The following RUFY1 variants were observed in gnomAD, a reference collection of about 807,000 sequenced individuals.
RUFY1 encodes RUN and FYVE domain containing 1, also known as RUN and FYVE domain-containing protein 1.
In RUFY1, 54 loss-of-function variants were observed where a neutral mutation model predicts 94.6. The observed-to-expected ratio is 0.57, with a 90% CI of 0.46 to 0.72. The LOEUF is 0.72. Ranked by LOEUF, RUFY1 falls within the 30% of genes least tolerant of loss-of-function variation. RUFY1 has a pLI of 0.00. For missense variants in RUFY1, 883 were observed against 883.9 expected (o/e 1.00, Z 0.01); for synonymous variants, 396 against 347.3 (o/e 1.14, Z -1.56).
At chr5:179,589,243 T>C in intron 8 of RUFY1, 1 of 334,532 alleles carries the variant, frequency 3.0e-6, no homozygotes, top group East Asian at 7.0e-5. Flanking sequence ...TCAGGCTGTT[T>C]CTAATTTTTT....
rs563715183 is a variant in RUFY1, at chr5:179,609,547, C to G, written c.*28C>G. 1.9e-6 allele frequency: 3 copies of G among 1,571,428 alleles called. No individual in the cohort carries two copies. The highest frequency in any genetic ancestry group is 1.1e-5 in the South Asian group (1 of 87,684). ...GTCCGTCCTCAGGAGCACAGCCTCA[C>G]GGACAGTGCCAAACCCTGTGGGTCT... is the stretch of plus-strand genomic sequence containing the variant. On this transcript the variant is annotated 3_prime_UTR_variant, in exon 18 of 18. Transcript: ENST00000319449.
At chr5:179,573,230 G>A (rs774147164) in intron 5 of RUFY1, among the ~76,000 whole-genome samples, 16 of 152,000 alleles carry the variant, frequency 1.1e-4, no homozygotes, top group Non-Finnish European at 2.4e-4. Context: ...ATATTTCTGG[G>A]CCATCCATTC....
intron 1 of RUFY1, among the ~76,000 whole-genome samples, chr5:179,558,572 CAA>C (rs10664309): frequency 1.5e-5 from 2 of 137,108 alleles, no homozygotes; most frequent in Non-Finnish European, 1.6e-5. Flanking sequence ...AACAACATCT[CAA>C]AAAAAAAAAA....
chr5:179,562,228 A>G (rs992819638), intron 2 of RUFY1, among the ~76,000 whole-genome samples: 1 of 151,856 alleles, frequency 6.6e-6, no homozygotes, highest in Admixed American at 6.6e-5. Context: ...CCTGGCCAAC[A>G]TGGTGAAACC....
chr5:179,586,354 C>T (rs1250139855), intron 8 of RUFY1: 1 of 456,848 alleles, frequency 2.2e-6, no homozygotes, highest in Non-Finnish European at 4.4e-6. Flanking sequence ...AAGGACAGGA[C>T]AAAGGAGGGC....
chr5:179,570,267 A>T (rs4075891), intron 5 of RUFY1, among the ~76,000 whole-genome samples: 1 of 152,024 alleles, frequency 6.6e-6, no homozygotes, highest in Non-Finnish European at 1.5e-5. Context: ...TCATGCCTGG[A>T]TTTGAGAAAG....
At chr5:179,596,866 AG>A (rs1305667290) in intron 13 of RUFY1, 185 bp downstream of exon 13, 2 of 732,328 alleles carry the variant, frequency 2.7e-6, no homozygotes, top group Non-Finnish European at 4.1e-6. Context: ...CCCTCCCCAC[AG>A]GGCTCCTCAC....
chr5:179,566,961 T>C (rs11249647), intron 3 of RUFY1, among the ~76,000 whole-genome samples: 117,901 of 151,908 alleles, frequency 0.78, 45,879 homozygotes, highest in East Asian at 0.91. Context: ...GGCTGAGCCA[T>C]GAGAATCGCT....
intron 3 of RUFY1, among the ~76,000 whole-genome samples, chr5:179,563,323 C>A (rs371065968): frequency 6.6e-6 from 1 of 152,202 alleles, no homozygotes; most frequent in African/African-American, 2.4e-5. Context: ...AGGACCTGCT[C>A]AATGACAGGC....
Position 179,581,031 on chromosome 5 carries a change from T to TTC in RUFY1, c.956+19_956+20insTC, listed in dbSNP as rs1764114820. On this transcript the variant is annotated intron_variant, in intron 7 of 17. Coordinates refer to ENST00000319449, the MANE Select transcript of RUFY1 (RefSeq NM_025158.5). ...ACTTGAGGTAAGACTCCTTTTTTTT[T>TTC]CAATGTGACAGTTACATACTCGGTA... 1 of 1,525,248 alleles carries TTC rather than the reference T, an allele frequency of 6.6e-7. No homozygotes were observed. Among genetic ancestry groups the TTC allele is most frequent in the African/African-American group, 1.4e-5 (1 of 72,450 alleles). 94.5% of individuals were successfully genotyped at this position (1,525,248 alleles called of 1,614,324 possible).
At chr5:179,572,269 G>A (rs915240824) in intron 5 of RUFY1, 10 of 236,854 alleles carry the variant, frequency 4.2e-5, no homozygotes, top group Admixed American at 5.9e-5. Flanking sequence ...GAAGTACGTC[G>A]TCCTCTTTTT....
intron 2 of RUFY1, among the ~76,000 whole-genome samples, chr5:179,561,188 G>A (rs1354211105): frequency 3.3e-5 from 5 of 151,808 alleles, no homozygotes; most frequent in Non-Finnish European, 7.4e-5. Flanking sequence ...TCCAACCAAG[G>A]CTACAGGGTG....
Position 179,564,927 on chromosome 5 carries a change from T to C in RUFY1, c.602+2263T>C, listed in dbSNP as rs144554066. Among the ~76,000 whole-genome samples, 473 of 152,244 alleles carry C rather than the reference T, an allele frequency of 3.1e-3. 4 individuals are homozygous for C. The highest frequency in any genetic ancestry group is 0.011 in the African/African-American group (453 of 41,540). On this transcript the variant is annotated intron_variant, in intron 3 of 17. Transcript: ENST00000319449. ...TCTGTGTACTGATATGGAAAGATTT[T>C]CAAGATGACAGATACTCAGCGAAAT...
intron 3 of RUFY1, among the ~76,000 whole-genome samples, chr5:179,565,979 A>G (rs901878039): frequency 6.9e-6 from 1 of 145,836 alleles, no homozygotes; most frequent in Non-Finnish European, 1.5e-5. Flanking sequence ...CCATCTCTAC[A>G]AAAAAAAAAA....
At chr5:179,602,191 G>T in intron 15 of RUFY1, 1 of 562,690 alleles carries the variant, frequency 1.8e-6, no homozygotes. Flanking sequence ...GTGTCAGCGA[G>T]CTCTTAGTTA....
At chr5:179,557,441 A>C (rs1029156484) in intron 1 of RUFY1, among the ~76,000 whole-genome samples, 1 of 152,182 alleles carries the variant, frequency 6.6e-6, no homozygotes, top group Non-Finnish European at 1.5e-5. Flanking sequence ...AAAAGAAAAA[A>C]AGACTTATCA....
chr5:179,558,993 G>C (rs6896940), intron 1 of RUFY1, among the ~76,000 whole-genome samples: 58,835 of 152,060 alleles, frequency 0.39, 11,831 homozygotes, highest in East Asian at 0.69. Flanking sequence ...TACTAGCAGA[G>C]AATAAACAGA....
intron 8 of RUFY1, among the ~76,000 whole-genome samples, chr5:179,589,141 C>G (rs927084845): frequency 6.6e-6 from 1 of 152,072 alleles, no homozygotes; most frequent in Admixed American, 6.6e-5. Flanking sequence ...AGTATGTTCT[C>G]AAGTGATTAA....
At chr5:179,578,767 C>G (rs1271427248) in intron 6 of RUFY1, among the ~76,000 whole-genome samples, 2 of 152,012 alleles carry the variant, frequency 1.3e-5, no homozygotes, top group African/African-American at 4.8e-5. Flanking sequence ...CCTCAACCTT[C>G]CTGAGTAGCT....
Sources: allele counts gnomAD v4.1 joint callset (sites outside exome capture counted in the v4.1 genomes callset), GRCh38; gene constraint gnomAD v4.1.1; transcripts MANE v1.5; gene names NCBI Gene and HGNC (gene_info 2026-07-23, HGNC 2026-07-21).